Variants in CCND1 observed in about 807,000 individuals in gnomAD.
CCND1 encodes the protein cyclin D1, also known as G1/S-specific cyclin-D1.
Under a neutral mutation model 26.1 loss-of-function variants are expected in CCND1, and 9 were observed. The observed-to-expected ratio is 0.35, with a 90% CI of 0.21 to 0.60. The LOEUF is 0.60. CCND1 is among the 20% of genes least tolerant of loss of function. The probability of loss-of-function intolerance (pLI) is 0.79; values close to 1 mark genes in which losing one functional copy is unlikely to be tolerated. For missense variants in CCND1, 335 were observed against 392.9 expected (o/e 0.85, Z 1.25); for synonymous variants, 194 against 166.1 (o/e 1.17, Z -1.29).
In CCND1 at chr11:69,651,218, A is replaced by G; in HGVS notation, c.824A>G (p.Glu275Gly). Reference sequence around the variant, plus strand: ...GACCCCAAGGCCGCCGAGGAGGAGGAAGAGGAGGAGGAGGAGGTGGACCTG... The same window carrying G: ...GACCCCAAGGCCGCCGAGGAGGAGGGAGAGGAGGAGGAGGAGGTGGACCTG... ...NMDPKAAEEE[E>G]EEEEEVDLAC... is the part of the protein sequence containing the mutation. Residue 275 changes from glutamate to glycine, a missense_variant, in exon 5 of 5, where the codon GAA becomes GGA. Physicochemically the swap from Glu to Gly is moderately conservative, Grantham distance 98 (BLOSUM62 -2). Coordinates refer to ENST00000227507, the MANE Select transcript of CCND1 (RefSeq NM_053056.3). The G allele has an allele frequency of 6.2e-7, 1 of 1,604,418 alleles. No individual in the cohort carries two copies. Among genetic ancestry groups the G allele is most frequent in the Non-Finnish European group, 8.5e-7 (1 of 1,174,440 alleles).
chr11:69,653,404 G>A lies in CCND1; in HGVS notation c.*2122G>A, dbSNP rs535391224. ...TTTTCTCTTAGAACATTGTATTACAGATGCCTTTTTTGTAGTTTTTTTTTT... is the reference window on the plus strand; with the variant it reads ...TTTTCTCTTAGAACATTGTATTACAAATGCCTTTTTTGTAGTTTTTTTTTT... On this transcript the variant is annotated 3_prime_UTR_variant, in exon 5 of 5. Coordinates refer to ENST00000227507, the MANE Select transcript of CCND1 (RefSeq NM_053056.3). 1.2e-5 allele frequency: 8 copies of A among 641,314 alleles called. No individual in the cohort carries two copies. The highest frequency in any genetic ancestry group is 2.9e-5 in the Admixed American group (1 of 34,012). 39.7% of individuals were successfully genotyped at this position (641,314 alleles called of 1,614,324 possible). A position where few individuals can be genotyped will look rare whatever the true frequency, so the allele number is the denominator to read the frequency against.
chr11:69,650,217 G>A (rs1382582290), intron 4 of CCND1, among the ~76,000 whole-genome samples: 1 of 152,232 alleles, frequency 6.6e-6, no homozygotes, highest in Non-Finnish European at 1.5e-5. Context: ...AAGCCCTAGC[G>A]TGGCTTCCTG....
intron 3 of CCND1, among the ~76,000 whole-genome samples, chr11:69,645,175 TGGGGTGG>T (rs1283684893): frequency 6.6e-6 from 1 of 152,036 alleles, no homozygotes; most frequent in Non-Finnish European, 1.5e-5. Flanking sequence ...TGGATGGGTC[TGGGGTGG>T]GGGGGCATGC....
intron 4 of CCND1, among the ~76,000 whole-genome samples, chr11:69,650,857 G>A (rs1855845009): frequency 6.6e-6 from 1 of 152,140 alleles, no homozygotes; most frequent in Non-Finnish European, 1.5e-5. Context: ...TGTGCAGGGT[G>A]GGCGGGCAAG....
chr11:69,641,241 C>A lies in CCND1; in HGVS notation c.-73C>A. 7.1e-7 allele frequency: 1 copy of A among 1,414,526 alleles called. No individual in the cohort carries two copies. Among genetic ancestry groups the A allele is most frequent in the Non-Finnish European group, 9.9e-7 (1 of 1,013,658 alleles). 87.6% of individuals were successfully genotyped at this position (1,414,526 alleles called of 1,614,324 possible). ...AAGAGCGCGAGGGAGCGCGGGGCAGCAGAAGCGAGAGCCGAGCGCGGACCC... is the reference window on the plus strand; with the variant it reads ...AAGAGCGCGAGGGAGCGCGGGGCAGAAGAAGCGAGAGCCGAGCGCGGACCC... On this transcript the variant is annotated 5_prime_UTR_variant, in exon 1 of 5. Coordinates refer to ENST00000227507, the MANE Select transcript of CCND1 (RefSeq NM_053056.3).
At chr11:69,645,803 G>T (rs917336668) in intron 3 of CCND1, among the ~76,000 whole-genome samples, 1 of 152,164 alleles carries the variant, frequency 6.6e-6, no homozygotes, top group Non-Finnish European at 1.5e-5. Context: ...GATGCTGGGT[G>T]TTCTCCCTGC....
intron 1 of CCND1, 53 bp from the exon 2 acceptor site, chr11:69,642,978 C>A (rs1855728672): frequency 2.2e-6 from 3 of 1,370,544 alleles, no homozygotes; most frequent in Non-Finnish European, 2.9e-6. Flanking sequence ...CGGGGGCGTG[C>A]GGGGGGGCGG....
intron 2 of CCND1, chr11:69,643,585 C>T (rs1383660475): frequency 4.3e-6 from 2 of 469,286 alleles, no homozygotes; most frequent in African/African-American, 4.1e-5. Flanking sequence ...TTTTTGTTTC[C>T]ACTTGCAGAG....
At chr11:69,646,944 A>T (rs1855790571) in intron 3 of CCND1, among the ~76,000 whole-genome samples, 1 of 152,128 alleles carries the variant, frequency 6.6e-6, no homozygotes, top group Non-Finnish European at 1.5e-5. Flanking sequence ...TTTTGTGCAG[A>T]CCACAAAGGC....
At position 69,652,677 on chromosome 11, in the gene CCND1, T is replaced by C. The variant is rs746244692; in HGVS notation, c.*1395T>C. 5.6e-5 allele frequency: 13 copies of C among 233,188 alleles called. No homozygotes were observed. The highest frequency in any genetic ancestry group is 1.3e-4 in the African/African-American group (6 of 45,350). The allele number at this position is 233,188 out of a possible 1,614,324, so 14.4% of individuals were successfully genotyped here. A position where few individuals can be genotyped will look rare whatever the true frequency, so the allele number is the denominator to read the frequency against. ...CGGAAGGTTTTTAAACACTAAAATA[T>C]ATAATTTATAGTTAAGGCTAAAAAG... On this transcript the variant is annotated 3_prime_UTR_variant, in exon 5 of 5. Transcript: ENST00000227507.
At chr11:69,643,429 C>A (rs941686328) in intron 2 of CCND1, 183 bp downstream of exon 2, 15 of 510,706 alleles carry the variant, frequency 2.9e-5, no homozygotes, top group Non-Finnish European at 3.0e-5. Context: ...GCCCTCGTCC[C>A]GCCGCCCTGT....
At chr11:69,648,318 T>TC in intron 4 of CCND1, 176 bp downstream of exon 4, 1 of 641,470 alleles carries the variant, frequency 1.6e-6, no homozygotes, top group Non-Finnish European at 2.6e-6. Flanking sequence ...CTTCCACTGC[T>TC]CCTAGAACTT....
intron 3 of CCND1, chr11:69,644,251 C>T (rs1855751237): frequency 5.8e-6 from 3 of 520,310 alleles, no homozygotes; most frequent in South Asian, 4.6e-5. Flanking sequence ...GCCTGTGTCC[C>T]GTTACTCTGG....
chr11:69,644,033 G>T (rs538705602), intron 3 of CCND1, 42 bp downstream of exon 3: 4 of 1,604,378 alleles, frequency 2.5e-6, no homozygotes, highest in Non-Finnish European at 3.4e-6. Flanking sequence ...CTTGAGAGCC[G>T]GCTCCTTAGG....
Position 69,654,301 on chromosome 11 carries a change from AG to A in CCND1, c.*3020del, listed in dbSNP as rs1855900329. 1.4e-6 allele frequency: 1 copy of A among 702,476 alleles called. No individual in the cohort carries two copies. Among genetic ancestry groups the A allele is most frequent in the Non-Finnish European group, 2.6e-6 (1 of 385,006 alleles). The allele number at this position is 702,476 out of a possible 1,614,324, so 43.5% of individuals were successfully genotyped here. On this transcript the variant is annotated 3_prime_UTR_variant, in exon 5 of 5. Coordinates refer to ENST00000227507, the MANE Select transcript of CCND1 (RefSeq NM_053056.3). The surrounding 1 kb of genome is among the most constrained non-coding windows in gnomAD (Gnocchi z 6.3). ...GGCTGGTGGCAAGTGCACGGGGCAC[AG>A]CGGAGTCTGTCCTGTGACGCGCAAG... is the stretch of plus-strand genomic sequence containing the variant.
At position 69,641,526 on chromosome 11, in the gene CCND1, G is replaced by A; in HGVS notation, c.198+15G>A. On this transcript the variant is annotated intron_variant, in intron 1 of 4. Coordinates refer to ENST00000227507, the MANE Select transcript of CCND1 (RefSeq NM_053056.3). Reference sequence around the variant, plus strand: ...GGATGCTGGAGGTGCGGGGCTTCGGGCGGCTCTCTTAAGACTTCCCTGCAA... The same window carrying A: ...GGATGCTGGAGGTGCGGGGCTTCGGACGGCTCTCTTAAGACTTCCCTGCAA... 2 of 1,612,240 alleles carry A rather than the reference G, an allele frequency of 1.2e-6. No individual in the cohort carries two copies. The highest frequency in any genetic ancestry group is 1.3e-5 in the African/African-American group (1 of 75,028).
rs1343339113 is a variant in CCND1, at chr11:69,641,519, G to A, written c.198+8G>A. On this transcript the variant is annotated splice_region_variant and intron_variant, in intron 1 of 4. Transcript: ENST00000227507. ...GCCACCTGGATGCTGGAGGTGCGGG[G>A]CTTCGGGCGGCTCTCTTAAGACTTC... is the stretch of plus-strand genomic sequence containing the variant. 1 of 1,612,296 alleles carries A rather than the reference G, an allele frequency of 6.2e-7. No individual in the cohort carries two copies. Among genetic ancestry groups the A allele is most frequent in the Non-Finnish European group, 8.5e-7 (1 of 1,179,774 alleles).
chr11:69,643,307 G>A lies in CCND1; in HGVS notation c.414+61G>A, dbSNP rs769760391. On this transcript the variant is annotated intron_variant, in intron 2 of 4. Transcript: ENST00000227507. ...GAGCCGCACGCAGGACCACGGGGCC[G>A]GGGAAGGTGCAGGCGGTGGCGGCCG... 5 of 1,385,794 alleles carry A rather than the reference G, an allele frequency of 3.6e-6. No homozygotes were observed. In the South Asian group the frequency reaches 5.0e-5, roughly 14 times the overall value. The allele number at this position is 1,385,794 out of a possible 1,614,324, so 85.8% of individuals were successfully genotyped here. A position where few individuals can be genotyped will look rare whatever the true frequency, so the allele number is the denominator to read the frequency against.
intron 3 of CCND1, among the ~76,000 whole-genome samples, chr11:69,647,035 G>A (rs1488411309): frequency 6.6e-6 from 1 of 152,162 alleles, no homozygotes; most frequent in Non-Finnish European, 1.5e-5. Flanking sequence ...CCCAGGTGAG[G>A]GCACTGGTGC....
Sources: gnomAD v4.1 joint callset for allele counts (sites outside exome capture counted in the v4.1 genomes callset) on GRCh38, gnomAD v4.1.1 for gene constraint, Gnocchi (gnomAD v3.1) non-coding constraint, MANE v1.5 for transcripts, NCBI Gene and HGNC (gene_info 2026-07-23, HGNC 2026-07-21) for gene names.